ANO3: variants seen among roughly 807,000 people sequenced by gnomAD.
ANO3 encodes anoctamin-3.
Under a neutral mutation model 144.8 loss-of-function variants are expected in ANO3, and 99 were observed. The ratio of observed to expected loss-of-function variants is 0.68; its 90% CI spans 0.58 to 0.81. The LOEUF is 0.81. Ranked by LOEUF, ANO3 falls within the 30% of genes least tolerant of loss-of-function variation. The probability of loss-of-function intolerance (pLI) is 0.00; values close to 1 mark genes in which losing one functional copy is unlikely to be tolerated. For synonymous variants in ANO3, 414 were observed against 392.6 expected, an observed-to-expected ratio of 1.05 and a Z score of -0.64; for missense variants, 905 against 1,202.2, an observed-to-expected ratio of 0.75 and a Z score of 3.66.
intron 24 of ANO3, among the ~76,000 whole-genome samples, chr11:26,652,008 C>T (rs1390383235): frequency 6.6e-6 from 1 of 152,202 alleles, no homozygotes; most frequent in Non-Finnish European, 1.5e-5. Flanking sequence ...ATCTTACAAA[C>T]CAGTTGCCCA....
chr11:26,493,266 A>C (rs1200559285), intron 4 of ANO3, among the ~76,000 whole-genome samples: 3 of 152,164 alleles, frequency 2.0e-5, no homozygotes, highest in Non-Finnish European at 4.4e-5. Context: ...GTGAATAAAG[A>C]TTATACCTCT....
intron 1 of ANO3, among the ~76,000 whole-genome samples, chr11:26,245,541 A>G (rs1852771881): frequency 6.6e-6 from 1 of 152,156 alleles, no homozygotes; most frequent in African/African-American, 2.4e-5. Context: ...TATCATGAAG[A>G]ACTAATGGAT....
At chr11:26,482,132 A>C (rs1860242749) in intron 4 of ANO3, among the ~76,000 whole-genome samples, 1 of 151,996 alleles carries the variant, frequency 6.6e-6, no homozygotes, top group African/African-American at 2.4e-5. Context: ...TCCTGGGCTC[A>C]AGTGATCCTC....
At chr11:26,196,342 C>A (rs982460826) in intron 1 of ANO3, among the ~76,000 whole-genome samples, 3 of 152,072 alleles carry the variant, frequency 2.0e-5, no homozygotes, top group African/African-American at 7.2e-5. Context: ...ATGTTTTCTT[C>A]AGAATTCTTA....
At chr11:26,502,507 C>T (rs1861237737) in intron 4 of ANO3, among the ~76,000 whole-genome samples, 1 of 152,058 alleles carries the variant, frequency 6.6e-6, no homozygotes, top group African/African-American at 2.4e-5. Flanking sequence ...GTATGGTTAA[C>T]AGATAACTGG....
At position 26,634,238 on chromosome 11, in the gene ANO3, C is replaced by T. The variant is rs1852878987; in HGVS notation, c.1908C>T (p.Ser636=). 7 of 1,613,884 alleles carry T rather than the reference C, an allele frequency of 4.3e-6. No homozygotes were observed. The highest frequency in any genetic ancestry group is 5.9e-6 in the Non-Finnish European group (7 of 1,179,848). ...YPRTESEWEN[S]FALKMFLFQF... is the part of the protein sequence containing the mutation. ...GAACAGAATCAGAGTGGGAAAACAG[C>T]TTCGCCCTGAAGATGTTCCTCTTCC... Residue 636 remains serine (S), a synonymous_variant, in exon 19 of 27, where the codon AGC becomes AGT. Coordinates refer to ENST00000256737, the MANE Select transcript of ANO3 (RefSeq NM_031418.4).
chr11:26,440,085 G>A (rs1042896638), intron 1 of ANO3, among the ~76,000 whole-genome samples: 6 of 152,104 alleles, frequency 3.9e-5, no homozygotes, highest in Non-Finnish European at 8.8e-5. Flanking sequence ...GGCGGAGGGC[G>A]GGGGTGGTTC....
intron 1 of ANO3, among the ~76,000 whole-genome samples, chr11:26,207,738 G>A (rs2133778287): frequency 1.2e-5 from 1 of 83,124 alleles, no homozygotes; most frequent in East Asian, 2.8e-4. Flanking sequence ...CAGTAAAACT[G>A]ACCGTAGTAC....
At chr11:26,230,909 T>G (rs972294044) in intron 1 of ANO3, among the ~76,000 whole-genome samples, 1 of 151,044 alleles carries the variant, frequency 6.6e-6, no homozygotes, top group African/African-American at 2.4e-5. Context: ...TTTTCTTTTT[T>G]TTAGATGGAG....
At chr11:26,206,416 C>G (rs998386186) in intron 1 of ANO3, among the ~76,000 whole-genome samples, 8 of 152,126 alleles carry the variant, frequency 5.3e-5, no homozygotes, top group African/African-American at 1.9e-4. Flanking sequence ...TTCTTTATCT[C>G]TGTTTTCATA....
At chr11:26,447,224 A>AAG (rs1858734218) in intron 3 of ANO3, among the ~76,000 whole-genome samples, 1 of 18,430 alleles carries the variant, frequency 5.4e-5, no homozygotes, top group Non-Finnish European at 1.8e-4. Flanking sequence ...AAAAAAAAAA[A>AAG]AAAAGGTGGG....
At chr11:26,612,973 A>G (rs554137304) in intron 17 of ANO3, among the ~76,000 whole-genome samples, 2 of 152,188 alleles carry the variant, frequency 1.3e-5, no homozygotes, top group African/African-American at 4.8e-5. Flanking sequence ...TTTGAAGAGG[A>G]TCATTTTGAG....
intron 7 of ANO3, among the ~76,000 whole-genome samples, chr11:26,530,502 A>G (rs1320643743): frequency 8.1e-5 from 1 of 12,306 alleles, no homozygotes; most frequent in African/African-American, 1.6e-4. Context: ...TCTATCTATC[A>G]TCTATCTATC....
At chr11:26,378,462 G>A (rs891707061) in intron 1 of ANO3, among the ~76,000 whole-genome samples, 3 of 149,048 alleles carry the variant, frequency 2.0e-5, no homozygotes, top group Non-Finnish European at 4.4e-5. Flanking sequence ...ATATAGACTA[G>A]TTACCACTAA....
intron 14 of ANO3, among the ~76,000 whole-genome samples, chr11:26,596,434 A>C (rs935416470): frequency 2.0e-5 from 3 of 152,104 alleles, no homozygotes; most frequent in Non-Finnish European, 4.4e-5. Flanking sequence ...TCCAGTTGTT[A>C]AAGTACTGGG....
chr11:26,438,602 A>AG (rs1858382878), intron 1 of ANO3, among the ~76,000 whole-genome samples: 1 of 126,440 alleles, frequency 7.9e-6, no homozygotes, highest in Non-Finnish European at 1.8e-5. Context: ...CAAAAAAAAA[A>AG]AAAAAAGAAA....
chr11:26,642,090 G>A, intron 22 of ANO3, 61 bp downstream of exon 22: 1 of 1,569,714 alleles, frequency 6.4e-7, no homozygotes, highest in Non-Finnish European at 8.7e-7. Context: ...CTACTTCACA[G>A]AAGCTTTGGT....
intron 1 of ANO3, among the ~76,000 whole-genome samples, chr11:26,441,199 G>A (rs2706496): frequency 1.5e-5 from 2 of 131,784 alleles, no homozygotes; most frequent in African/African-American, 5.7e-5. Context: ...CTCACTGCAA[G>A]CTCCGCCTCC....
intron 1 of ANO3, among the ~76,000 whole-genome samples, chr11:26,426,640 T>C (rs919339695): frequency 1.3e-5 from 2 of 152,218 alleles, no homozygotes; most frequent in African/African-American, 4.8e-5. Flanking sequence ...CTAGAATAGC[T>C]GTCTCCTTGA....
Sources: allele counts gnomAD v4.1 joint callset (sites outside exome capture counted in the v4.1 genomes callset), GRCh38; gene constraint gnomAD v4.1.1; transcripts MANE v1.5; gene names NCBI Gene and HGNC (gene_info 2026-07-23, HGNC 2026-07-21).